KCNIP1: variants seen among roughly 807,000 people sequenced by gnomAD.
KCNIP1 encodes the protein potassium voltage-gated channel interacting protein 1, also known as A-type potassium channel modulatory protein KCNIP1.
In KCNIP1, 18 loss-of-function variants were observed where a neutral mutation model predicts 33.0. That is an observed-to-expected ratio of 0.55 (90% CI 0.38 to 0.81). The LOEUF (loss-of-function observed/expected upper bound fraction) is 0.81, where lower values mean the gene tolerates loss of function less well. KCNIP1 is among the 30% of genes least tolerant of loss of function. The pLI, the probability that KCNIP1 is intolerant of heterozygous loss-of-function variation, is 0.00. For synonymous variants in KCNIP1, 93 were observed against 98.3 expected, an observed-to-expected ratio of 0.95 and a Z score of 0.32; for missense variants, 238 against 271.6, an observed-to-expected ratio of 0.88 and a Z score of 0.87.
intron 1 of KCNIP1, among the ~76,000 whole-genome samples, chr5:170,637,398 GCAGA>G (rs1760329329): frequency 6.6e-6 from 1 of 152,072 alleles, no homozygotes; most frequent in Non-Finnish European, 1.5e-5. Context: ...TCTTCAACCA[GCAGA>G]CAAAGGGGTG....
At chr5:170,358,792 A>G (rs1763418282) in intron 1 of KCNIP1, among the ~76,000 whole-genome samples, 1 of 152,148 alleles carries the variant, frequency 6.6e-6, no homozygotes, top group Non-Finnish European at 1.5e-5. Flanking sequence ...CAGGTAAGGA[A>G]ACTGGGGTTT....
intron 5 of KCNIP1, among the ~76,000 whole-genome samples, chr5:170,725,902 G>A (rs1019686609): frequency 3.3e-5 from 5 of 152,116 alleles, no homozygotes; most frequent in African/African-American, 1.2e-4. Context: ...GGAAAGAACC[G>A]TGTTTTCACA....
rs185224173 is a variant in KCNIP1 at position 170,525,058 on chromosome 5, G to A, written c.61+20425G>A. ...TTCTGCACAAGGCCGGGGAAACTTT[G>A]CCTAAGATTTAGGCCCTGGGCTCAG... On this transcript the variant is annotated intron_variant, in intron 1 of 7. Coordinates refer to ENST00000328939, the MANE Select transcript of KCNIP1 (RefSeq NM_014592.4). 2.6e-5 allele frequency among the ~76,000 whole-genome samples: 4 copies of A among 152,346 alleles called. No individual in the cohort carries two copies. The East Asian group carries it at 7.7e-4, about 29-fold the overall frequency.
At chr5:170,404,452 T>G (rs112407410) in intron 1 of KCNIP1, among the ~76,000 whole-genome samples, 7 of 152,294 alleles carry the variant, frequency 4.6e-5, no homozygotes, top group African/African-American at 1.7e-4. Context: ...GTGGTTCTTC[T>G]GGGCTGGGCT....
intron 1 of KCNIP1, among the ~76,000 whole-genome samples, chr5:170,553,097 G>A (rs550392091): frequency 1.3e-4 from 20 of 152,302 alleles, no homozygotes; most frequent in African/African-American, 4.3e-4. Flanking sequence ...GGGGAAAATC[G>A]TAACCCCAGC....
chr5:170,446,557 C>T (rs1287712316), intron 1 of KCNIP1, among the ~76,000 whole-genome samples: 2 of 152,240 alleles, frequency 1.3e-5, no homozygotes, highest in African/African-American at 4.8e-5. Context: ...TGAACTTCTG[C>T]CTCAAACAAT....
upstream of KCNIP1, among the ~76,000 whole-genome samples, chr5:170,500,405 G>C (rs925474204): frequency 3.3e-5 from 5 of 152,178 alleles, no homozygotes; most frequent in African/African-American, 1.2e-4. Context: ...AGAGTAAAGG[G>C]AGCAACAGCC....
intron 1 of KCNIP1, among the ~76,000 whole-genome samples, chr5:170,449,481 G>A (rs1029157692): frequency 3.9e-5 from 6 of 152,172 alleles, no homozygotes; most frequent in African/African-American, 1.4e-4. Flanking sequence ...GAGGAAAATC[G>A]GGCAGGTCCT....
chr5:170,677,299 T>C (rs1365811837), intron 1 of KCNIP1, among the ~76,000 whole-genome samples: 1 of 152,174 alleles, frequency 6.6e-6, no homozygotes, highest in African/African-American at 2.4e-5. Flanking sequence ...TAAGAGTCAA[T>C]GTAGGCTTCT....
At chr5:170,435,860 A>G (rs1266237470) in intron 1 of KCNIP1, among the ~76,000 whole-genome samples, 2 of 151,762 alleles carry the variant, frequency 1.3e-5, no homozygotes, top group Non-Finnish European at 2.9e-5. Context: ...CCTTTCCTAC[A>G]TCATCTTCTT....
At chr5:170,607,285 C>T (rs943553871) in intron 1 of KCNIP1, among the ~76,000 whole-genome samples, 1 of 152,156 alleles carries the variant, frequency 6.6e-6, no homozygotes, top group Non-Finnish European at 1.5e-5. Context: ...AAACAATTCC[C>T]GTTTCGTAGA....
chr5:170,396,375 C>T (rs1030607634), intron 1 of KCNIP1, among the ~76,000 whole-genome samples: 2 of 152,226 alleles, frequency 1.3e-5, no homozygotes, highest in African/African-American at 2.4e-5. Context: ...CCAAACTCTG[C>T]AAATTATTTG....
chr5:170,453,513 A>T (rs1280052509), intron 1 of KCNIP1, among the ~76,000 whole-genome samples: 1 of 152,216 alleles, frequency 6.6e-6, no homozygotes, highest in East Asian at 1.9e-4. Context: ...TCTTTTAAGG[A>T]GTACTCCAAC....
intron 1 of KCNIP1, among the ~76,000 whole-genome samples, chr5:170,608,916 C>T (rs980548734): frequency 4.6e-5 from 7 of 152,148 alleles, no homozygotes; most frequent in South Asian, 2.1e-4. Flanking sequence ...AGCACAGTCC[C>T]GGGCGGAGGC....
At chr5:170,463,028 C>A (rs1391476890) in intron 1 of KCNIP1, among the ~76,000 whole-genome samples, 1 of 152,000 alleles carries the variant, frequency 6.6e-6, no homozygotes, top group Admixed American at 6.6e-5. Context: ...GTATATACTG[C>A]TCGGGTGATG....
At chr5:170,629,821 A>T (rs987197440) in intron 1 of KCNIP1, among the ~76,000 whole-genome samples, 2 of 152,166 alleles carry the variant, frequency 1.3e-5, no homozygotes, top group African/African-American at 4.8e-5. Context: ...TTAACCCTGA[A>T]CCTGAAAAAG....
chr5:170,698,373 A>G (rs1190771258), intron 1 of KCNIP1, among the ~76,000 whole-genome samples: 1 of 152,230 alleles, frequency 6.6e-6, no homozygotes, highest in African/African-American at 2.4e-5. Flanking sequence ...TGCTGCAGTT[A>G]AGAACATGGG....
At chr5:170,505,906 C>G (rs4867972) in intron 1 of KCNIP1, among the ~76,000 whole-genome samples, 52,987 of 151,996 alleles carry the variant, frequency 0.35, 9,470 homozygotes, top group East Asian at 0.57. Flanking sequence ...AGTTACATGT[C>G]CTGCTGGCAA....
intron 1 of KCNIP1, among the ~76,000 whole-genome samples, chr5:170,595,461 G>A (rs1293943032): frequency 6.6e-6 from 1 of 152,210 alleles, no homozygotes. Flanking sequence ...CGCTTTGCTT[G>A]GAATGGCTCT....
Sources: allele counts gnomAD v4.1 joint callset (sites outside exome capture counted in the v4.1 genomes callset), GRCh38; gene constraint gnomAD v4.1.1; transcripts MANE v1.5; gene names NCBI Gene and HGNC (gene_info 2026-07-23, HGNC 2026-07-21).